Variants in EMID1 observed in about 807,000 individuals in gnomAD.
EMID1 encodes the protein EMI domain containing 1.
EMID1 carries 40 observed loss-of-function variants against 60.6 expected under a neutral mutation model. That is an observed-to-expected ratio of 0.66 (90% CI 0.51 to 0.86). The LOEUF (loss-of-function observed/expected upper bound fraction) is 0.86, where lower values mean the gene tolerates loss of function less well. Among genes scored for constraint, EMID1 ranks in the 40% least tolerant of loss-of-function variants. The probability of loss-of-function intolerance (pLI) is 0.00; values close to 1 mark genes in which losing one functional copy is unlikely to be tolerated. For synonymous variants in EMID1, 242 were observed against 231.0 expected (o/e 1.05, Z -0.43); for missense variants, 585 against 597.1 (o/e 0.98, Z 0.21).
intron 13 of EMID1, among the ~76,000 whole-genome samples, chr22:29,244,064 C>G (rs555656472): frequency 1.3e-5 from 2 of 152,166 alleles, no homozygotes; most frequent in African/African-American, 4.8e-5. Flanking sequence ...GCTATGTACA[C>G]GTTTGATGTG....
chr22:29,206,265 G>T, intron 1 of EMID1, 126 bp downstream of exon 1: 14 of 755,082 alleles, frequency 1.9e-5, no homozygotes, highest in Non-Finnish European at 2.5e-5. Flanking sequence ...GCAGGGACAC[G>T]GCCATCCCGC....
intron 12 of EMID1, among the ~76,000 whole-genome samples, chr22:29,240,797 T>G (rs2041127000): frequency 6.6e-6 from 1 of 152,212 alleles, no homozygotes; most frequent in South Asian, 2.1e-4. Flanking sequence ...CTTCACAGCC[T>G]CCATACTTGT....
chr22:29,215,839 A>G (rs2040061933), intron 3 of EMID1, among the ~76,000 whole-genome samples: 1 of 151,994 alleles, frequency 6.6e-6, no homozygotes, highest in Non-Finnish European at 1.5e-5. Flanking sequence ...GACTCTCAGG[A>G]CCCCCAGAAG....
At chr22:29,216,759 G>A (rs2146162494) in intron 3 of EMID1, 1 of 724,430 alleles carries the variant, frequency 1.4e-6, no homozygotes, top group Non-Finnish European at 1.7e-6. Context: ...CCATGGGGAT[G>A]GGGTTCAGAA....
Position 29,231,618 on chromosome 22 carries a change from C to G in EMID1, c.612C>G (p.Pro204=), listed in dbSNP as rs372860826. The G allele has an allele frequency of 6.6e-7, 1 of 1,520,070 alleles. No homozygotes were observed. Among genetic ancestry groups the G allele is most frequent in the Admixed American group, 2.1e-5 (1 of 48,594 alleles). The allele number at this position is 1,520,070 out of a possible 1,614,324, so 94.2% of individuals were successfully genotyped here. The change falls in exon 7 of 15, where the codon CCC becomes CCG. Residue 204 remains proline, a synonymous_variant. Coordinates refer to ENST00000334018, the MANE Select transcript of EMID1 (RefSeq NM_133455.4). ...LQDQVGAWGL[P]GPTGPKGDAG... is the part of the protein sequence containing the mutation. ...ACCAAGTCGGTGCTTGGGGGCTTCC[C>G]GGGCCCACCGGCCCCAAGGGAGATG... is the stretch of plus-strand genomic sequence containing the variant.
intron 14 of EMID1, 170 bp downstream of exon 14, chr22:29,254,457 T>G (rs2041634726): frequency 1.7e-5 from 11 of 648,246 alleles, no homozygotes; most frequent in Non-Finnish European, 2.2e-5. Flanking sequence ...CAATGACTGG[T>G]TCCCTCCTCC....
In EMID1 at chr22:29,214,960, T is replaced by A; in HGVS notation, c.136T>A (p.Ser46Thr). Residue 46 changes from serine to threonine, a missense_variant, in exon 2 of 15, where the codon TCA becomes ACA. By Grantham distance (58) the Ser-to-Thr change is moderately conservative. Coordinates refer to ENST00000334018, the MANE Select transcript of EMID1 (RefSeq NM_133455.4). ...CTCCTATGTGGTGACCCGCACCATC[T>A]CATGCCATGTGCAGAATGGCACCTA... is the stretch of plus-strand genomic sequence containing the variant. Reference protein sequence around the residue: ...WCSYVVTRTISCHVQNGTYLQ... With the variant: ...WCSYVVTRTITCHVQNGTYLQ... 6.5e-7 allele frequency: 1 copy of A among 1,550,080 alleles called. No individual in the cohort carries two copies. The highest frequency in any genetic ancestry group is 8.7e-7 in the Non-Finnish European group (1 of 1,144,874).
intron 5 of EMID1, among the ~76,000 whole-genome samples, chr22:29,230,459 A>G (rs1174995263): frequency 6.6e-6 from 1 of 152,270 alleles, no homozygotes; most frequent in African/African-American, 2.4e-5. Flanking sequence ...TGGCCCAGCA[A>G]GCACCGCGAC....
intron 14 of EMID1, chr22:29,255,212 C>T: frequency 9.6e-7 from 1 of 1,044,168 alleles, no homozygotes; most frequent in Non-Finnish European, 1.3e-6. Context: ...CGCTTGGCTC[C>T]CCAGCCCAGC....
In EMID1 at chr22:29,233,210, G is replaced by A. The variant is rs1005477875; in HGVS notation, c.824-169G>A. 7.2e-5 allele frequency: 50 copies of A among 693,242 alleles called. 1 individual carries two copies. The East Asian group carries it at 1.2e-3, about 17-fold the overall frequency. The allele number at this position is 693,242 out of a possible 1,614,324, so 42.9% of individuals were successfully genotyped here. A position where few individuals can be genotyped will look rare whatever the true frequency, so the allele number is the denominator to read the frequency against. ...CATCTCCCTGCCTCCTGGTCTTGCG[G>A]GACCAACACTCTCCACACTCCTCAC... On this transcript the variant is annotated intron_variant, in intron 8 of 14. Coordinates refer to ENST00000334018, the MANE Select transcript of EMID1 (RefSeq NM_133455.4).
At chr22:29,207,807 G>A (rs132370) in intron 1 of EMID1, among the ~76,000 whole-genome samples, 143,152 of 152,314 alleles carry the variant, frequency 0.94, 67,483 homozygotes, top group African/African-American at 0.96. Flanking sequence ...CAGACCAGTC[G>A]ATTTCCAAAT....
At chr22:29,208,422 G>A (rs2039759683) in intron 1 of EMID1, among the ~76,000 whole-genome samples, 1 of 152,202 alleles carries the variant, frequency 6.6e-6, no homozygotes, top group Non-Finnish European at 1.5e-5. Context: ...CCCTGGGGCT[G>A]CTTCCTGCCC....
chr22:29,231,896 AT>A (rs2040763826), intron 7 of EMID1: 1 of 560,436 alleles, frequency 1.8e-6, no homozygotes, highest in East Asian at 3.0e-5. Context: ...ACCTACACTT[AT>A]CAGGCTCTGA....
chr22:29,206,640 G>T lies in EMID1; in HGVS notation c.101+501G>T, dbSNP rs537791688. Among the ~76,000 whole-genome samples, 5 of 152,300 alleles carry T rather than the reference G, an allele frequency of 3.3e-5. No homozygotes were observed. The South Asian group carries it at 1.0e-3, about 32-fold the overall frequency. On this transcript the variant is annotated intron_variant, in intron 1 of 14. Coordinates refer to ENST00000334018, the MANE Select transcript of EMID1 (RefSeq NM_133455.4). Reference sequence around the variant, plus strand: ...GGGTCAGTGTCGGAGATACCCCAGGGACCTGGCATTTTGGACAGAGAAAAG... The same window carrying T: ...GGGTCAGTGTCGGAGATACCCCAGGTACCTGGCATTTTGGACAGAGAAAAG...
chr22:29,239,786 C>A (rs1025838402), intron 12 of EMID1, among the ~76,000 whole-genome samples: 1 of 146,522 alleles, frequency 6.8e-6, no homozygotes, highest in Non-Finnish European at 1.5e-5. Context: ...GAGACAGAGT[C>A]TCACTCTGTC....
rs115172792 is a variant in EMID1, at chr22:29,209,818, A to G, written c.101+3679A>G. 7.3e-3 allele frequency among the ~76,000 whole-genome samples: 1,111 copies of G among 152,292 alleles called. 8 individuals are homozygous for G. Among genetic ancestry groups the G allele is most frequent in the African/African-American group, 0.026 (1,072 of 41,554 alleles). On this transcript the variant is annotated intron_variant, in intron 1 of 14. Coordinates refer to ENST00000334018, the MANE Select transcript of EMID1 (RefSeq NM_133455.4). ...GATCAGAGGTGGGAGGAGGGGCTGC[A>G]TGAGTGTGCAGGAGAGGTGAGCAGA...
chr22:29,258,256 G>A (rs971425534), intron 14 of EMID1, among the ~76,000 whole-genome samples: 6 of 152,148 alleles, frequency 3.9e-5, no homozygotes, highest in African/African-American at 1.4e-4. Context: ...TCCTACCCTT[G>A]GTTTTGAAGG....
intron 13 of EMID1, among the ~76,000 whole-genome samples, chr22:29,251,795 A>G (rs6519781): frequency 0.59 from 89,158 of 151,796 alleles, 26,410 homozygotes; most frequent in Middle Eastern, 0.66. Flanking sequence ...CTCCCAAGTA[A>G]CTAGGACTAT....
At chr22:29,235,015 G>T (rs1450774943) in intron 12 of EMID1, among the ~76,000 whole-genome samples, 1 of 151,922 alleles carries the variant, frequency 6.6e-6, no homozygotes, top group Non-Finnish European at 1.5e-5. Context: ...ACAAAACTCT[G>T]TCTTTATATA....
Sources: allele counts gnomAD v4.1 joint callset (sites outside exome capture counted in the v4.1 genomes callset), GRCh38; gene constraint gnomAD v4.1.1; transcripts MANE v1.5; gene names NCBI Gene and HGNC (gene_info 2026-07-23, HGNC 2026-07-21).